Variants in SLC24A3 observed in about 807,000 individuals in gnomAD.
SLC24A3 encodes the protein sodium/potassium/calcium exchanger 3.
Under a neutral mutation model 75.8 loss-of-function variants are expected in SLC24A3, and 28 were observed. The observed-to-expected ratio is 0.37, with a 90% CI of 0.27 to 0.51. The LOEUF is 0.51. Among genes scored for constraint, SLC24A3 ranks in the 20% least tolerant of loss-of-function variants. The probability of loss-of-function intolerance (pLI) is 0.94; values close to 1 mark genes in which losing one functional copy is unlikely to be tolerated. For synonymous variants in SLC24A3, 372 were observed against 334.1 expected (o/e 1.11, Z -1.24); for missense variants, 663 against 847.8 (o/e 0.78, Z 2.71).
chr20:19,212,760 T>G lies in SLC24A3; in HGVS notation c.-83T>G. 1.0e-6 allele frequency: 1 copy of G among 958,784 alleles called. No homozygotes were observed. Among genetic ancestry groups the G allele is most frequent in the Non-Finnish European group, 1.2e-6 (1 of 809,132 alleles). 59.4% of individuals were successfully genotyped at this position (958,784 alleles called of 1,614,324 possible). A position where few individuals can be genotyped will look rare whatever the true frequency, so the allele number is the denominator to read the frequency against. ...GACGCGCGGCTGCTGCGCGCAGGGC[T>G]GCCTCCTGCCGCTGTCCCCGCCGCG... On this transcript the variant is annotated 5_prime_UTR_variant, in exon 1 of 17. Transcript: ENST00000328041.
In SLC24A3 at chr20:19,212,831, G is replaced by A; in HGVS notation, c.-12G>A. On this transcript the variant is annotated 5_prime_UTR_variant, in exon 1 of 17. Coordinates refer to ENST00000328041, the MANE Select transcript of SLC24A3 (RefSeq NM_020689.4). ...CCGCCGCCCGCCGAGGCCGCCGCCC[G>A]GCCGCCCGAGGATGCGGCCGTCCGG... is the stretch of plus-strand genomic sequence containing the variant. 1.0e-6 allele frequency: 1 copy of A among 1,000,204 alleles called. No homozygotes were observed. Among genetic ancestry groups the A allele is most frequent in the Non-Finnish European group, 1.2e-6 (1 of 841,220 alleles). 62.0% of individuals were successfully genotyped at this position (1,000,204 alleles called of 1,614,324 possible).
chr20:19,486,608 A>G (rs1229176559), intron 2 of SLC24A3, among the ~76,000 whole-genome samples: 2 of 152,164 alleles, frequency 1.3e-5, no homozygotes, highest in African/African-American at 4.8e-5. Flanking sequence ...TGTGGTTCTC[A>G]TTTATCTCCT....
intron 2 of SLC24A3, among the ~76,000 whole-genome samples, chr20:19,458,973 T>A (rs1301797733): frequency 6.6e-6 from 1 of 152,180 alleles, no homozygotes; most frequent in African/African-American, 2.4e-5. Flanking sequence ...TTTTAGCCCA[T>A]TGGAGTGGTT....
At chr20:19,223,878 G>A (rs561331846) in intron 1 of SLC24A3, among the ~76,000 whole-genome samples, 1 of 152,356 alleles carries the variant, frequency 6.6e-6, no homozygotes, top group African/African-American at 2.4e-5. Context: ...GAGTGACTAA[G>A]TGACTGCAGA....
At chr20:19,254,058 T>C (rs1020441193) in intron 1 of SLC24A3, among the ~76,000 whole-genome samples, 1 of 152,238 alleles carries the variant, frequency 6.6e-6, no homozygotes, top group Non-Finnish European at 1.5e-5. Flanking sequence ...CTTCTGGTTT[T>C]TAAGAGAAAC....
chr20:19,466,886 T>C (rs76149428), intron 2 of SLC24A3, among the ~76,000 whole-genome samples: 2,501 of 152,254 alleles, frequency 0.016, 71 homozygotes, highest in East Asian at 0.11. Context: ...AAAAATATGA[T>C]CTGGATCATC....
At chr20:19,275,879 G>A (rs1407179436) in intron 1 of SLC24A3, among the ~76,000 whole-genome samples, 1 of 152,128 alleles carries the variant, frequency 6.6e-6, no homozygotes, top group Non-Finnish European at 1.5e-5. Context: ...CCCGTGACAT[G>A]TGACATGTGA....
At chr20:19,237,289 G>A (rs1240496300) in intron 1 of SLC24A3, among the ~76,000 whole-genome samples, 2 of 152,108 alleles carry the variant, frequency 1.3e-5, no homozygotes, top group African/African-American at 4.8e-5. Flanking sequence ...GTCTGGTGTG[G>A]ATGGCGGGGT....
At chr20:19,490,377 CAA>C (rs963322578) in intron 2 of SLC24A3, among the ~76,000 whole-genome samples, 72 of 152,274 alleles carry the variant, frequency 4.7e-4, no homozygotes, top group African/African-American at 1.7e-3. Flanking sequence ...TCCACAAAGC[CAA>C]GAGAGAGGCA....
chr20:19,630,139 A>G (rs577265012), intron 6 of SLC24A3, among the ~76,000 whole-genome samples: 2 of 152,366 alleles, frequency 1.3e-5, no homozygotes, highest in African/African-American at 4.8e-5. Flanking sequence ...AAGAGATCCT[A>G]TGAAAAGCCA....
At chr20:19,395,153 A>T (rs1039057133) in intron 2 of SLC24A3, among the ~76,000 whole-genome samples, 1 of 152,210 alleles carries the variant, frequency 6.6e-6, no homozygotes, top group Non-Finnish European at 1.5e-5. Context: ...TCACAGAAAC[A>T]GGAAGTTGGA....
At chr20:19,333,356 G>C (rs144805572) in intron 2 of SLC24A3, among the ~76,000 whole-genome samples, 24 of 152,172 alleles carry the variant, frequency 1.6e-4, no homozygotes, top group African/African-American at 4.3e-4. Flanking sequence ...CAACCAGGGT[G>C]CTCAAACTAG....
chr20:19,338,485 C>T (rs1005579232), intron 2 of SLC24A3, among the ~76,000 whole-genome samples: 1 of 152,222 alleles, frequency 6.6e-6, no homozygotes, highest in Admixed American at 6.5e-5. Context: ...ACTGAGACCA[C>T]TTGAGAAGTG....
At chr20:19,226,325 C>T (rs1338545427) in intron 1 of SLC24A3, among the ~76,000 whole-genome samples, 3 of 152,062 alleles carry the variant, frequency 2.0e-5, no homozygotes, top group Non-Finnish European at 4.4e-5. Flanking sequence ...TGATCATATT[C>T]GGTTGAGGGC....
intron 11 of SLC24A3, among the ~76,000 whole-genome samples, chr20:19,684,655 A>G (rs983322875): frequency 2.0e-5 from 3 of 152,194 alleles, no homozygotes; most frequent in African/African-American, 7.2e-5. Context: ...ATTGTTTCTA[A>G]CTAAGGGTTA....
At chr20:19,692,601 G>A (rs2032756692) in intron 12 of SLC24A3, among the ~76,000 whole-genome samples, 1 of 152,202 alleles carries the variant, frequency 6.6e-6, no homozygotes, top group Non-Finnish European at 1.5e-5. Context: ...TGACTAGAAA[G>A]AGGCACAGCA....
At chr20:19,472,896 G>A (rs1331337959) in intron 2 of SLC24A3, among the ~76,000 whole-genome samples, 1 of 152,230 alleles carries the variant, frequency 6.6e-6, no homozygotes, top group African/African-American at 2.4e-5. Context: ...ATACAGGGCC[G>A]GCATCAGCAG....
At chr20:19,599,480 G>C (rs908642041) in intron 6 of SLC24A3, among the ~76,000 whole-genome samples, 2 of 152,156 alleles carry the variant, frequency 1.3e-5, no homozygotes, top group Admixed American at 1.3e-4. Flanking sequence ...GGAGGACTGC[G>C]TGTATGATGC....
At chr20:19,499,266 G>T (rs1353509893) in intron 2 of SLC24A3, among the ~76,000 whole-genome samples, 1 of 152,214 alleles carries the variant, frequency 6.6e-6, no homozygotes, top group Non-Finnish European at 1.5e-5. Flanking sequence ...AGTTCTGGCA[G>T]CTTTAAGAAA....
Sources: allele counts gnomAD v4.1 joint callset (sites outside exome capture counted in the v4.1 genomes callset), GRCh38; gene constraint gnomAD v4.1.1; transcripts MANE v1.5; gene names NCBI Gene and HGNC (gene_info 2026-07-23, HGNC 2026-07-21).